LRRC7: variants seen among roughly 807,000 people sequenced by gnomAD.
LRRC7 encodes leucine-rich repeat-containing protein 7.
A neutral mutation model predicts 175.7 loss-of-function variants in LRRC7; 23 were observed. The ratio of observed to expected loss-of-function variants is 0.13; its 90% CI spans 0.09 to 0.19. LRRC7 has a LOEUF of 0.19. LRRC7 is among the 10% of genes least tolerant of loss of function. The pLI is 1.00. For missense variants in LRRC7, 1,354 were observed against 1,904.7 expected (o/e 0.71, Z 5.38); for synonymous variants, 685 against 680.9 (o/e 1.01, Z -0.09).
In LRRC7 at chr1:69,939,013, ATCTATATATATATATATC is replaced by A. The variant is rs1411284203; in HGVS notation, c.711+7445_711+7462del. On this transcript the variant is annotated intron_variant, in intron 8 of 26. Transcript: ENST00000651989. ...CTGTAGATTATATATATATATATAT[ATCTATATATATATATATC>A]TATATATATCTATATCTATCTCACA... 3.7e-4 allele frequency among the ~76,000 whole-genome samples: 46 copies of A among 125,598 alleles called. 2 individuals are homozygous for A. The highest frequency in any genetic ancestry group is 1.3e-3 in the African/African-American group (42 of 31,982). 82.4% of individuals were successfully genotyped at this position (125,598 alleles called of 152,430 possible).
intron 26 of LRRC7, among the ~76,000 whole-genome samples, chr1:70,116,572 A>T (rs1387807483): frequency 6.6e-6 from 1 of 151,538 alleles, no homozygotes; most frequent in African/African-American, 2.4e-5. Flanking sequence ...AAAACACAGA[A>T]ATTCTTATTT....
At chr1:69,869,857 T>G (rs1401627513) in intron 7 of LRRC7, among the ~76,000 whole-genome samples, 1 of 152,174 alleles carries the variant, frequency 6.6e-6, no homozygotes, top group Non-Finnish European at 1.5e-5. Flanking sequence ...TAACAATTCC[T>G]TAGGCTTTCA....
intron 2 of LRRC7, among the ~76,000 whole-genome samples, chr1:69,736,124 AAAT>A (rs1668093168): frequency 6.6e-6 from 1 of 152,114 alleles, no homozygotes; most frequent in Non-Finnish European, 1.5e-5. Flanking sequence ...TAACATGTTG[AAAT>A]CAATTACTTC....
chr1:69,678,395 T>C lies in LRRC7; in HGVS notation c.17T>C (p.Ile6Thr), dbSNP rs761268727. Reference protein sequence around the residue: MMENLIRGRNPPQYQR... With the variant: MMENLTRGRNPPQYQR... The stretch of plus-strand genomic sequence containing the variant: ...CTCTCTTATAGGATGGAGAACCTAA[T>C]AAGGGGAAGGAATCCCCCGCAATAC... The change falls in exon 2 of 27, where the codon ATA (isoleucine) becomes ACA (threonine). Residue 6 changes from isoleucine (I) to threonine (T), a missense_variant. Physicochemically the swap from Ile to Thr is moderately conservative, Grantham distance 89. Coordinates refer to ENST00000651989, the MANE Select transcript of LRRC7 (RefSeq NM_001370785.2). 3 of 1,596,234 alleles carry C rather than the reference T, an allele frequency of 1.9e-6. No individual in the cohort carries two copies. In the African/African-American group the frequency reaches 4.0e-5, roughly 21 times the overall value.
At chr1:69,622,792 A>C (rs768882989) in intron 1 of LRRC7, among the ~76,000 whole-genome samples, 14 of 152,174 alleles carry the variant, frequency 9.2e-5, no homozygotes, top group Non-Finnish European at 1.8e-4. Context: ...ATAATGTAGC[A>C]GAAACCATGC....
rs899821744 is a variant in LRRC7 at position 70,125,411 on chromosome 1, T to G, written c.*3524T>G. ...AGAGACTGACAAGCCAATGTTAATT[T>G]GCTCTTAATCTTAAAGATGATTGCA... is the stretch of plus-strand genomic sequence containing the variant. On this transcript the variant is annotated 3_prime_UTR_variant, in exon 27 of 27. Transcript: ENST00000651989. Among the ~76,000 whole-genome samples, 1 of 152,238 alleles carries G rather than the reference T, an allele frequency of 6.6e-6. No individual in the cohort carries two copies. Among genetic ancestry groups the G allele is most frequent in the Non-Finnish European group, 1.5e-5 (1 of 68,032 alleles).
At chr1:69,654,706 C>A (rs1656357135) in intron 1 of LRRC7, among the ~76,000 whole-genome samples, 1 of 151,984 alleles carries the variant, frequency 6.6e-6, no homozygotes, top group African/African-American at 2.4e-5. Flanking sequence ...AAGATGATAA[C>A]TGCTATTAGG....
At chr1:69,817,192 G>A (rs11578884) in intron 4 of LRRC7, among the ~76,000 whole-genome samples, 56,964 of 151,670 alleles carry the variant, frequency 0.38, 12,592 homozygotes, top group East Asian at 0.54. Context: ...ATGTCAAGGA[G>A]CTCTACCCCT....
chr1:69,641,660 C>A (rs941303310), intron 1 of LRRC7, among the ~76,000 whole-genome samples: 2 of 151,386 alleles, frequency 1.3e-5, no homozygotes, highest in South Asian at 2.1e-4. Flanking sequence ...ACTTGCTTTT[C>A]GGGCAAAAGA....
At chr1:70,057,616 T>C (rs6679805) in intron 23 of LRRC7, among the ~76,000 whole-genome samples, 19,426 of 151,904 alleles carry the variant, frequency 0.13, 1,679 homozygotes, top group African/African-American at 0.24. Flanking sequence ...TAATCTTGTC[T>C]CTCTAACTAA....
At chr1:69,826,849 G>C (rs1440404085) in intron 5 of LRRC7, among the ~76,000 whole-genome samples, 1 of 152,060 alleles carries the variant, frequency 6.6e-6, no homozygotes, top group African/African-American at 2.4e-5. Context: ...TACCAGTAGA[G>C]TTGAGGAGAG....
At chr1:69,846,776 A>T (rs2101429264) in intron 7 of LRRC7, among the ~76,000 whole-genome samples, 1 of 152,212 alleles carries the variant, frequency 6.6e-6, no homozygotes, top group South Asian at 2.1e-4. Flanking sequence ...GAAAAATTTT[A>T]AATAAATTTA....
intron 9 of LRRC7, among the ~76,000 whole-genome samples, chr1:69,984,795 A>C (rs1653780497): frequency 6.6e-6 from 1 of 152,210 alleles, no homozygotes; most frequent in Non-Finnish European, 1.5e-5. Flanking sequence ...ACTACTTCTA[A>C]GCATAAATCT....
chr1:69,577,003 C>T (rs191416363), intron 1 of LRRC7, among the ~76,000 whole-genome samples: 6 of 152,132 alleles, frequency 3.9e-5, no homozygotes, highest in Admixed American at 6.6e-5. Flanking sequence ...GGAGGATGGA[C>T]GTTTTTTGTT....
At chr1:69,891,746 A>T (rs115025986) in intron 7 of LRRC7, among the ~76,000 whole-genome samples, 1,887 of 152,260 alleles carry the variant, frequency 0.012, 34 homozygotes, top group African/African-American at 0.042. Context: ...ACGAAAAAAA[A>T]ATCACTGATT....
chr1:69,797,916 T>C (rs1675982779), intron 4 of LRRC7, among the ~76,000 whole-genome samples: 1 of 152,024 alleles, frequency 6.6e-6, no homozygotes, highest in African/African-American at 2.4e-5. Context: ...TTGTTTTTTT[T>C]GTTTGTTTGT....
At position 70,130,832 on chromosome 1, in the gene LRRC7, T is replaced by A. The variant is rs1462228631; in HGVS notation, c.*8945T>A. On this transcript the variant is annotated 3_prime_UTR_variant, in exon 27 of 27. Transcript: ENST00000651989. The stretch of plus-strand genomic sequence containing the variant: ...TGAGAGAGACGAGGCTACGGAAGTG[T>A]AGTTGAGAGAAAGGGGTCTCCACCT... 6.6e-6 allele frequency among the ~76,000 whole-genome samples: 1 copy of A among 152,160 alleles called. No individual in the cohort carries two copies. Among genetic ancestry groups the A allele is most frequent in the Non-Finnish European group, 1.5e-5 (1 of 68,034 alleles).
intron 11 of LRRC7, among the ~76,000 whole-genome samples, chr1:70,007,459 T>G (rs1656091192): frequency 6.6e-6 from 1 of 152,120 alleles, no homozygotes; most frequent in Non-Finnish European, 1.5e-5. Context: ...GTCCAAGCAT[T>G]AAATACTGTT....
intron 1 of LRRC7, among the ~76,000 whole-genome samples, chr1:69,638,777 G>GATT (rs916039757): frequency 1.3e-5 from 2 of 151,716 alleles, no homozygotes; most frequent in African/African-American, 4.8e-5. Context: ...TCCACTTCAA[G>GATT]ATTATTATTA....
Sources: allele counts gnomAD v4.1 joint callset (sites outside exome capture counted in the v4.1 genomes callset), GRCh38; gene constraint gnomAD v4.1.1; transcripts MANE v1.5; gene names NCBI Gene and HGNC (gene_info 2026-07-23, HGNC 2026-07-21).